Variants in HPCAL1 observed in about 807,000 individuals in gnomAD.
HPCAL1 encodes the protein hippocalcin like 1.
HPCAL1 carries 8 observed loss-of-function variants against 17.1 expected under a neutral mutation model. The observed-to-expected ratio is 0.47, with a 90% CI of 0.27 to 0.84. The LOEUF (loss-of-function observed/expected upper bound fraction) is 0.84. Ranked by LOEUF, HPCAL1 falls within the 40% of genes least tolerant of loss-of-function variation. The pLI is 0.13. For synonymous variants in HPCAL1, 112 were observed against 111.4 expected (o/e 1.01, Z -0.03); for missense variants, 165 against 271.1 (o/e 0.61, Z 2.75).
At chr2:10,357,099 C>T (rs1441724300) in intron 1 of HPCAL1, among the ~76,000 whole-genome samples, 1 of 152,054 alleles carries the variant, frequency 6.6e-6, no homozygotes, top group East Asian at 1.9e-4. Context: ...GGTGACACAG[C>T]GAGACTCTGT....
rs373993586 is a variant in HPCAL1 at position 10,355,879 on chromosome 2, A to C, written c.-110-40956A>C. Among the ~76,000 whole-genome samples the C allele has an allele frequency of 5.9e-5, 9 of 152,054 alleles. 1 individual carries two copies. In the South Asian group the frequency reaches 6.2e-4, roughly 11 times the overall value. On this transcript the variant is annotated intron_variant, in intron 1 of 4. Coordinates refer to ENST00000307845, the MANE Select transcript of HPCAL1 (RefSeq NM_002149.4). ...ATGAGGGTCTCAGAAACTGGTACCT[A>C]CTTTCCTCTTATTTGGCACCGGGAG...
At chr2:10,314,426 G>T (rs1480107613) in intron 1 of HPCAL1, among the ~76,000 whole-genome samples, 1 of 152,146 alleles carries the variant, frequency 6.6e-6, no homozygotes. Context: ...AGATTAAGAA[G>T]ACAGGGACTC....
chr2:10,333,917 C>T (rs1324732619), intron 1 of HPCAL1, among the ~76,000 whole-genome samples: 2 of 152,134 alleles, frequency 1.3e-5, no homozygotes, highest in Non-Finnish European at 2.9e-5. Context: ...TTTACAGATG[C>T]TTTGTAGATA....
intron 1 of HPCAL1, among the ~76,000 whole-genome samples, chr2:10,358,700 G>A (rs1438330041): frequency 1.3e-5 from 2 of 152,112 alleles, no homozygotes; most frequent in African/African-American, 4.8e-5. Flanking sequence ...AGAATGCCCC[G>A]GAGTTTGGCT....
chr2:10,311,934 C>T (rs1477087337), intron 1 of HPCAL1, among the ~76,000 whole-genome samples: 2 of 151,794 alleles, frequency 1.3e-5, no homozygotes, highest in Admixed American at 6.6e-5. Context: ...CATCACCATT[C>T]ATCATCACTG....
chr2:10,409,564 G>A (rs1289670439), intron 2 of HPCAL1, among the ~76,000 whole-genome samples: 1 of 152,178 alleles, frequency 6.6e-6, no homozygotes, highest in African/African-American at 2.4e-5. Context: ...CAGGGGCCGT[G>A]TGGGTCCAGC....
At position 10,338,758 on chromosome 2, in the gene HPCAL1, C is replaced by T. The variant is rs181100351; in HGVS notation, c.-111+35581C>T. On this transcript the variant is annotated intron_variant, in intron 1 of 4. Coordinates refer to ENST00000307845, the MANE Select transcript of HPCAL1 (RefSeq NM_002149.4). ...CCATGGATTCCGTAGAGCTTTGAGG[C>T]GTATCCACAAAGTGTCCAGGAGAGG... 1.3e-3 allele frequency among the ~76,000 whole-genome samples: 205 copies of T among 152,214 alleles called. 1 individual carries two copies. Among genetic ancestry groups the T allele is most frequent in the African/African-American group, 4.6e-3 (190 of 41,522 alleles).
chr2:10,308,320 A>T (rs540331612), intron 1 of HPCAL1, among the ~76,000 whole-genome samples: 1 of 152,194 alleles, frequency 6.6e-6, no homozygotes, highest in Non-Finnish European at 1.5e-5. Flanking sequence ...GTACAGTTTA[A>T]TGATTTTCAG....
At chr2:10,311,635 C>T (rs752854692) in intron 1 of HPCAL1, among the ~76,000 whole-genome samples, 2 of 152,006 alleles carry the variant, frequency 1.3e-5, no homozygotes. Context: ...AGATGTAGAG[C>T]ACAGGTAAGG....
At chr2:10,357,762 A>G (rs997646767) in intron 1 of HPCAL1, among the ~76,000 whole-genome samples, 5 of 152,164 alleles carry the variant, frequency 3.3e-5, no homozygotes, top group Non-Finnish European at 1.5e-5. Flanking sequence ...TCCTCCATGC[A>G]TAATCCCATC....
At chr2:10,306,662 G>C (rs1363921407) in intron 1 of HPCAL1, among the ~76,000 whole-genome samples, 1 of 152,198 alleles carries the variant, frequency 6.6e-6, no homozygotes, top group Non-Finnish European at 1.5e-5. Flanking sequence ...TTGGAATCTA[G>C]TGGTGCAGAT....
intron 2 of HPCAL1, among the ~76,000 whole-genome samples, chr2:10,400,533 G>A (rs1433294066): frequency 6.6e-6 from 1 of 152,210 alleles, no homozygotes; most frequent in East Asian, 1.9e-4. Flanking sequence ...AGCCATCTGA[G>A]CGGCCTTTCT....
chr2:10,394,748 G>A lies in HPCAL1; in HGVS notation c.-110-2087G>A, dbSNP rs1306492231. Among the ~76,000 whole-genome samples the A allele has an allele frequency of 1.3e-5, 2 of 151,938 alleles. No individual in the cohort carries two copies. The highest frequency in any genetic ancestry group is 1.3e-4 in the Admixed American group (2 of 15,240). On this transcript the variant is annotated intron_variant, in intron 1 of 4. Transcript: ENST00000307845. This position sits in a 1 kb window ranked among gnomAD's most constrained non-coding sequence, Gnocchi z 5.0. ...CCGGGAGTGGTGTAAGGGGTGTGTGGGAACTTTCTGCTCAATTTTGTTGGG... is the reference window on the plus strand; with the variant it reads ...CCGGGAGTGGTGTAAGGGGTGTGTGAGAACTTTCTGCTCAATTTTGTTGGG...
intron 1 of HPCAL1, among the ~76,000 whole-genome samples, chr2:10,341,707 G>C (rs1665096200): frequency 1.3e-5 from 2 of 152,184 alleles, no homozygotes; most frequent in Non-Finnish European, 2.9e-5. Flanking sequence ...CTGCCCGAGA[G>C]AGGGTGGAAG....
chr2:10,405,208 G>A (rs1225473667), intron 2 of HPCAL1, among the ~76,000 whole-genome samples: 1 of 152,236 alleles, frequency 6.6e-6, no homozygotes, highest in Admixed American at 6.5e-5. Flanking sequence ...CCCCCAGCAG[G>A]GCCCCTGGGT....
chr2:10,426,552 T>A lies in HPCAL1; in HGVS notation c.485-172T>A, dbSNP rs1359826583. 8 of 634,066 alleles carry A rather than the reference T, an allele frequency of 1.3e-5. No individual in the cohort carries two copies. The South Asian group carries it at 1.5e-4, about 12-fold the overall frequency. The allele number at this position is 634,066 out of a possible 1,614,324, so 39.3% of individuals were successfully genotyped here. Reference sequence around the variant, plus strand: ...GGGAGCAGGGAAAGGAAAAAGGATTTTTTTTCAGAAATGCCTGTAAAGTGA... The same window carrying A: ...GGGAGCAGGGAAAGGAAAAAGGATTATTTTTCAGAAATGCCTGTAAAGTGA... On this transcript the variant is annotated intron_variant, in intron 4 of 4. Transcript: ENST00000307845.
At chr2:10,376,261 C>T (rs1667552354) in intron 1 of HPCAL1, among the ~76,000 whole-genome samples, 1 of 152,172 alleles carries the variant, frequency 6.6e-6, no homozygotes, top group African/African-American at 2.4e-5. Flanking sequence ...ATAATGCAAA[C>T]AGACTAACAC....
At chr2:10,321,895 CT>C (rs1249161039) in intron 1 of HPCAL1, among the ~76,000 whole-genome samples, 4 of 152,192 alleles carry the variant, frequency 2.6e-5, no homozygotes, top group Non-Finnish European at 2.9e-5. Context: ...GCTGTTTTCA[CT>C]TTTGGCTATT....
chr2:10,317,899 A>T (rs1266476660), intron 1 of HPCAL1, among the ~76,000 whole-genome samples: 2 of 152,370 alleles, frequency 1.3e-5, no homozygotes, highest in Non-Finnish European at 2.9e-5. Flanking sequence ...ACTGTCAGCC[A>T]CAGCTAAACC....
Sources: allele counts gnomAD v4.1 joint callset (sites outside exome capture counted in the v4.1 genomes callset), GRCh38; gene constraint gnomAD v4.1.1; non-coding constraint Gnocchi (gnomAD v3.1); transcripts MANE v1.5; gene names NCBI Gene and HGNC (gene_info 2026-07-23, HGNC 2026-07-21).